The following TOX4 variants were observed in gnomAD, a reference collection of about 807,000 sequenced individuals.
TOX4 encodes the protein TOX high mobility group box family member 4.
TOX4 carries 12 observed loss-of-function variants against 61.0 expected under a neutral mutation model. The observed-to-expected ratio is 0.20, with a 90% CI of 0.13 to 0.32. The LOEUF (loss-of-function observed/expected upper bound fraction) is 0.32. TOX4 is among the 10% of genes least tolerant of loss of function. The pLI, the probability that TOX4 is intolerant of heterozygous loss-of-function variation, is 1.00. For synonymous variants in TOX4, 268 were observed against 274.8 expected (o/e 0.98, Z 0.24); for missense variants, 499 against 753.3 (o/e 0.66, Z 3.95).
intron 3 of TOX4, chr14:21,488,067 T>TA (rs3069170): frequency 1.4e-3 from 45 of 31,498 alleles, no homozygotes; most frequent in South Asian, 4.6e-3. Flanking sequence ...GAACAGAGCT[T>TA]AAAAAAAAAA....
At chr14:21,477,316 G>A in intron 1 of TOX4, 32 bp downstream of exon 1, 1 of 1,613,988 alleles carries the variant, frequency 6.2e-7, no homozygotes, top group South Asian at 1.1e-5. Context: ...AGGCTGGCGA[G>A]AGAACGCGGC....
intron 8 of TOX4, 70 bp from the exon 9 acceptor site, chr14:21,496,476 A>G (rs547344469): frequency 1.1e-5 from 16 of 1,441,850 alleles, no homozygotes; most frequent in Non-Finnish European, 1.5e-5. Flanking sequence ...AAAAAAAAAA[A>G]TGTATCTAGG....
Position 21,497,509 on chromosome 14 carries a change from TG to T in TOX4, c.*904del. The T allele has an allele frequency of 3.6e-5, 1 of 28,084 alleles. No homozygotes were observed. Among genetic ancestry groups the T allele is most frequent in the Non-Finnish European group, 7.8e-5 (1 of 12,896 alleles). 1.7% of individuals were successfully genotyped at this position (28,084 alleles called of 1,614,324 possible). On this transcript the variant is annotated 3_prime_UTR_variant, in exon 9 of 9. Coordinates refer to ENST00000448790, the MANE Select transcript of TOX4 (RefSeq NM_014828.4). ...TTTTATCCTATGCATTCCTGTTTTC[TG>T]TGTGTTTTTTGTTTTTTTTTTTTTT...
At chr14:21,478,781 G>A (rs1480456966) in intron 2 of TOX4, among the ~76,000 whole-genome samples, 1 of 152,032 alleles carries the variant, frequency 6.6e-6, no homozygotes, top group African/African-American at 2.4e-5. Flanking sequence ...GGGTTGACAA[G>A]GGCCAGTTGC....
chr14:21,492,537 A>G lies in TOX4; in HGVS notation c.921A>G (p.Pro307=). The G allele has an allele frequency of 6.2e-7, 1 of 1,614,004 alleles. No individual in the cohort carries two copies. The highest frequency in any genetic ancestry group is 2.2e-5 in the East Asian group (1 of 44,874). The change falls in exon 7 of 9, where the codon CCA becomes CCG. Residue 307 remains proline (P), a synonymous_variant. Coordinates refer to ENST00000448790, the MANE Select transcript of TOX4 (RefSeq NM_014828.4). ...CTGTGGAAACAGTGGAATTGGATCC[A>G]GCACCACCATCACAAACTCCTTCTC... ...QATVETVELD[P]APPSQTPSPP...
In TOX4 at chr14:21,498,573, G is replaced by C. The variant is rs753044290; in HGVS notation, c.*1967G>C. On this transcript the variant is annotated 3_prime_UTR_variant, in exon 9 of 9. Transcript: ENST00000448790. ...TCTGGTGTTAAAATAGACTGGATCT[G>C]TATTATCTGAGGGTTAGTAACTAAT... The C allele has an allele frequency of 3.4e-6, 2 of 594,080 alleles. No homozygotes were observed. The highest frequency in any genetic ancestry group is 2.8e-5 in the East Asian group (1 of 35,228). 36.8% of individuals were successfully genotyped at this position (594,080 alleles called of 1,614,324 possible). A position where few individuals can be genotyped will look rare whatever the true frequency, so the allele number is the denominator to read the frequency against.
intron 5 of TOX4, among the ~76,000 whole-genome samples, chr14:21,490,913 C>T (rs1891277393): frequency 6.6e-6 from 1 of 152,220 alleles, no homozygotes; most frequent in Admixed American, 6.5e-5. Context: ...GCAACTTCCA[C>T]CTCCTGGGTT....
intron 2 of TOX4, among the ~76,000 whole-genome samples, chr14:21,483,455 G>A (rs1309658125): frequency 1.4e-5 from 2 of 147,870 alleles, no homozygotes. Context: ...AAATGCTCAC[G>A]TAAACCTAAA....
rs1251210917 is a variant in TOX4, at chr14:21,497,878, T to C, written c.*1272T>C. The C allele has an allele frequency of 5.9e-6, 1 of 168,250 alleles. No individual in the cohort carries two copies. Among genetic ancestry groups the C allele is most frequent in the Non-Finnish European group, 1.3e-5 (1 of 78,506 alleles). The allele number at this position is 168,250 out of a possible 1,614,324, so 10.4% of individuals were successfully genotyped here. On this transcript the variant is annotated 3_prime_UTR_variant, in exon 9 of 9. Coordinates refer to ENST00000448790, the MANE Select transcript of TOX4 (RefSeq NM_014828.4). Reference sequence around the variant, plus strand: ...GGAGGGTAGCAGTAGAGATGGGGTCTCACTATGTTGCCCAGTCTAGTCTTG... The same window carrying C: ...GGAGGGTAGCAGTAGAGATGGGGTCCCACTATGTTGCCCAGTCTAGTCTTG...
chr14:21,477,534 G>T lies in TOX4; in HGVS notation c.45G>T (p.Gly15=), dbSNP rs751473947. The change falls in exon 2 of 9, where the codon GGG becomes GGT. Residue 15 remains glycine (G), a synonymous_variant. Transcript: ENST00000448790. ...GGNDNYLTIT[G]PSHPFLSGAE... ...ATGACAATTACCTGACGATCACAGG[G>T]CCTTCGCACCCCTTCCTGTCAGGGG... The T allele has an allele frequency of 6.2e-7, 1 of 1,613,726 alleles. No homozygotes were observed.
In TOX4 at chr14:21,492,543, A is replaced by G; in HGVS notation, c.927A>G (p.Pro309=). The change falls in exon 7 of 9, where the codon CCA becomes CCG. Residue 309 remains proline, a synonymous_variant. Transcript: ENST00000448790. ...AAACAGTGGAATTGGATCCAGCACCACCATCACAAACTCCTTCTCCACCTC... is the reference window on the plus strand; with the variant it reads ...AAACAGTGGAATTGGATCCAGCACCGCCATCACAAACTCCTTCTCCACCTC... The part of the protein sequence containing the change: ...TVETVELDPA[P]PSQTPSPPPM... 6.2e-7 allele frequency: 1 copy of G among 1,613,966 alleles called. No homozygotes were observed. Among genetic ancestry groups the G allele is most frequent in the Non-Finnish European group, 8.5e-7 (1 of 1,179,956 alleles).
intron 3 of TOX4, 83 bp downstream of exon 3, chr14:21,487,776 A>G: frequency 1.4e-6 from 2 of 1,438,276 alleles, no homozygotes; most frequent in African/African-American, 1.4e-5. Context: ...TCCCTGCTAC[A>G]CTTGGGTATT....
rs899686498 is a variant in TOX4 at position 21,484,993 on chromosome 14, C to T, written c.76-2458C>T. 2.8e-5 allele frequency among the ~76,000 whole-genome samples: 3 copies of T among 107,338 alleles called. 1 individual carries two copies. Among genetic ancestry groups the T allele is most frequent in the East Asian group, 3.7e-4 (1 of 2,718 alleles). The allele number at this position is 107,338 out of a possible 152,430, so 70.4% of individuals were successfully genotyped here. On this transcript the variant is annotated intron_variant, in intron 2 of 8. Transcript: ENST00000448790. ...CATTAAACCAGAATTAGAGGCTGGG[C>T]GCTGTGGCTCATGCCTGTAATCCCA...
chr14:21,484,587 T>C (rs61973221), intron 2 of TOX4, among the ~76,000 whole-genome samples: 44,273 of 102,444 alleles, frequency 0.43, 18,212 homozygotes, highest in Middle Eastern at 0.61. Context: ...TGACCTCAGG[T>C]GGTCCACCCA....
intron 5 of TOX4, among the ~76,000 whole-genome samples, chr14:21,490,731 AT>A (rs544831279): frequency 3.9e-5 from 6 of 152,092 alleles, no homozygotes; most frequent in East Asian, 1.9e-4. Flanking sequence ...TCTAAGTCTC[AT>A]TTTTTCCCCC....
intron 2 of TOX4, chr14:21,482,656 C>T (rs568942354): frequency 9.9e-5 from 44 of 445,532 alleles, no homozygotes; most frequent in African/African-American, 7.2e-4. Context: ...GTGTCCAAAC[C>T]ACTTCTTTTT....
Position 21,497,023 on chromosome 14 carries a change from A to G in TOX4, c.*417A>G, listed in dbSNP as rs1420051959. ...TGCATCCATTTTAAAGGGTTCCCTC[A>G]TAAAAAAATGTTATTCCCCATTATC... On this transcript the variant is annotated 3_prime_UTR_variant, in exon 9 of 9. Transcript: ENST00000448790. 1.2e-5 allele frequency: 2 copies of G among 171,146 alleles called. No individual in the cohort carries two copies. Among genetic ancestry groups the G allele is most frequent in the African/African-American group, 4.8e-5 (2 of 41,800 alleles). The allele number at this position is 171,146 out of a possible 1,614,324, so 10.6% of individuals were successfully genotyped here.
rs1246459313 is a variant in TOX4, at chr14:21,498,763, C to G, written c.*2157C>G. 4 of 490,500 alleles carry G rather than the reference C, an allele frequency of 8.2e-6. No homozygotes were observed. Among genetic ancestry groups the G allele is most frequent in the Non-Finnish European group, 1.5e-5 (4 of 275,414 alleles). 30.4% of individuals were successfully genotyped at this position (490,500 alleles called of 1,614,324 possible). On this transcript the variant is annotated 3_prime_UTR_variant, in exon 9 of 9. Transcript: ENST00000448790. The stretch of plus-strand genomic sequence containing the variant: ...ACCAGGGGGCAGATTCAATACATCA[C>G]AGAATGGCTGAGGAAGATCCTTGGG...
intron 7 of TOX4, 75 bp downstream of exon 7, chr14:21,493,332 G>A: frequency 1.5e-5 from 22 of 1,490,372 alleles, no homozygotes; most frequent in Non-Finnish European, 2.0e-5. Context: ...ATAACAGTGG[G>A]GGTTGCTACT....
Sources: gnomAD v4.1 joint callset for allele counts (sites outside exome capture counted in the v4.1 genomes callset) on GRCh38, gnomAD v4.1.1 for gene constraint, MANE v1.5 for transcripts, NCBI Gene and HGNC (gene_info 2026-07-23, HGNC 2026-07-21) for gene names.